The following SGCD variants were observed in gnomAD, a reference collection of about 807,000 sequenced individuals.
SGCD encodes delta-sarcoglycan.
In SGCD, 18 loss-of-function variants were observed where a neutral mutation model predicts 36.6. The observed-to-expected ratio is 0.49, with a 90% CI of 0.34 to 0.73. The LOEUF is 0.73. SGCD is among the 30% of genes least tolerant of loss of function. SGCD has a pLI of 0.01. For synonymous variants in SGCD, 133 were observed against 130.6 expected, an observed-to-expected ratio of 1.02 and a Z score of -0.12; for missense variants, 387 against 346.7, an observed-to-expected ratio of 1.12 and a Z score of -0.92.
At chr5:156,172,727 G>T (rs996983651) in intron 3 of SGCD, among the ~76,000 whole-genome samples, 1 of 150,836 alleles carries the variant, frequency 6.6e-6, no homozygotes, top group Admixed American at 6.6e-5. Flanking sequence ...AATCCTGCCA[G>T]CTCCTGATTT....
At chr5:156,224,145 T>C (rs372807800) in intron 3 of SGCD, among the ~76,000 whole-genome samples, 28 of 152,138 alleles carry the variant, frequency 1.8e-4, no homozygotes, top group Middle Eastern at 6.8e-3. Flanking sequence ...TTACAGTTTT[T>C]ACCCCTAATC....
At chr5:156,072,202 G>A (rs1760594857) in intron 1 of SGCD, among the ~76,000 whole-genome samples, 1 of 152,258 alleles carries the variant, frequency 6.6e-6, no homozygotes, top group South Asian at 2.1e-4. Context: ...TTGCTCCTTA[G>A]TTGATGCAGT....
intron 1 of SGCD, among the ~76,000 whole-genome samples, chr5:156,027,823 T>G (rs1302289017): frequency 6.6e-6 from 1 of 152,196 alleles, no homozygotes; most frequent in Admixed American, 6.5e-5. Flanking sequence ...TAATAGTATG[T>G]GATATAATGT....
In SGCD at chr5:156,587,254, G is replaced by T. The variant is rs866179275; in HGVS notation, c.295-1977G>T. Among the ~76,000 whole-genome samples the T allele has an allele frequency of 5.3e-5, 8 of 152,120 alleles. No individual in the cohort carries two copies. The South Asian group carries it at 1.5e-3, about 28-fold the overall frequency. ...AGTCTCCCCTCAGGATTCCAGCCACGCTAAGAGTTCAAAGCCCTTCCTGAA... is the reference window on the plus strand; with the variant it reads ...AGTCTCCCCTCAGGATTCCAGCCACTCTAAGAGTTCAAAGCCCTTCCTGAA... On this transcript the variant is annotated intron_variant, in intron 4 of 8. Transcript: ENST00000337851.
rs756317778 is a variant in SGCD at position 156,383,141 on chromosome 5, C to T, written c.192+38464C>T. 7.9e-5 allele frequency among the ~76,000 whole-genome samples: 12 copies of T among 152,082 alleles called. No homozygotes were observed. In the East Asian group the frequency reaches 1.7e-3, roughly 22 times the overall value. Reference sequence around the variant, plus strand: ...CCATAATACTGTAATGAAACCTGGGCCATGTGCTGTGTGGTACATTCTATG... The same window carrying T: ...CCATAATACTGTAATGAAACCTGGGTCATGTGCTGTGTGGTACATTCTATG... On this transcript the variant is annotated intron_variant, in intron 3 of 8. Coordinates refer to ENST00000337851, the MANE Select transcript of SGCD (RefSeq NM_000337.6).
At chr5:155,865,083 CATAGATAGATAG>C in the SGCD span, among the ~76,000 whole-genome samples, 34 of 144,150 alleles carry the variant, frequency 2.4e-4, no homozygotes, top group Admixed American at 7.8e-4. Flanking sequence ...TATACATAGC[CATAGATAGATAG>C]ATAGATAGAT....
intron 1 of SGCD, among the ~76,000 whole-genome samples, chr5:155,931,440 C>G (rs1757095154): frequency 6.6e-6 from 1 of 152,166 alleles, no homozygotes; most frequent in African/African-American, 2.4e-5. Context: ...TTCAGTTACA[C>G]ATACACCCAA....
intron 3 of SGCD, among the ~76,000 whole-genome samples, chr5:156,191,609 G>A (rs1763897268): frequency 6.6e-6 from 1 of 152,124 alleles, no homozygotes; most frequent in Admixed American, 6.6e-5. Context: ...CCTTAAGAGA[G>A]TACAAGGGAA....
At chr5:156,126,332 T>C (rs544922382) in intron 3 of SGCD, among the ~76,000 whole-genome samples, 2 of 152,318 alleles carry the variant, frequency 1.3e-5, no homozygotes, top group African/African-American at 4.8e-5. Context: ...AGAATGTCTG[T>C]TCTGTCAAGA....
chr5:156,552,315 T>G (rs1758832809), intron 4 of SGCD, among the ~76,000 whole-genome samples: 1 of 152,146 alleles, frequency 6.6e-6, no homozygotes, highest in African/African-American at 2.4e-5. Context: ...TGTAGTGCTG[T>G]GTTGAGAAGA....
intron 6 of SGCD, among the ~76,000 whole-genome samples, chr5:156,635,097 T>C (rs1762775266): frequency 6.6e-6 from 1 of 152,100 alleles, no homozygotes; most frequent in South Asian, 2.1e-4. Context: ...TGGTGACATG[T>C]CCCGGTAGTC....
intron 1 of SGCD, among the ~76,000 whole-genome samples, chr5:155,946,827 C>A (rs532449957): frequency 6.6e-6 from 1 of 152,232 alleles, no homozygotes; most frequent in South Asian, 2.1e-4. Context: ...CTCTGGGAAA[C>A]CGAATGTAGC....
intron 7 of SGCD, among the ~76,000 whole-genome samples, chr5:156,752,170 T>C (rs1218993003): frequency 6.6e-6 from 1 of 152,188 alleles, no homozygotes; most frequent in Non-Finnish European, 1.5e-5. Context: ...TAAAGAATTA[T>C]AAAGTGGAAT....
At chr5:156,700,968 G>A (rs1307364064) in intron 7 of SGCD, among the ~76,000 whole-genome samples, 1 of 150,102 alleles carries the variant, frequency 6.7e-6, no homozygotes, top group African/African-American at 2.4e-5. Context: ...AAGAGAGAGA[G>A]AGAAAGAAGA....
intron 6 of SGCD, among the ~76,000 whole-genome samples, chr5:156,621,765 G>C (rs1561820391): frequency 6.6e-6 from 1 of 152,230 alleles, no homozygotes; most frequent in African/African-American, 2.4e-5. Flanking sequence ...ACAGAGAGTA[G>C]AGATGGAGTA....
At chr5:156,109,758 T>G (rs1040089868) in intron 1 of SGCD, among the ~76,000 whole-genome samples, 5 of 152,164 alleles carry the variant, frequency 3.3e-5, no homozygotes, top group Non-Finnish European at 7.3e-5. Flanking sequence ...TGTTATCCAC[T>G]CATTTGTGAT....
chr5:156,079,876 G>A (rs1019264728), intron 1 of SGCD, among the ~76,000 whole-genome samples: 18 of 152,306 alleles, frequency 1.2e-4, no homozygotes, highest in African/African-American at 3.4e-4. Context: ...GAGGACCGTG[G>A]CCTCATTCCC....
At chr5:156,189,992 G>A (rs1257076378) in intron 3 of SGCD, among the ~76,000 whole-genome samples, 5 of 152,150 alleles carry the variant, frequency 3.3e-5, no homozygotes, top group Non-Finnish European at 7.3e-5. Context: ...AGCCAGATCT[G>A]CAATCTGGAT....
rs140444869 is a variant in SGCD at position 156,635,138 on chromosome 5, T to A, written c.503-12326T>A. Among the ~76,000 whole-genome samples the A allele has an allele frequency of 2.6e-5, 4 of 152,210 alleles. No individual in the cohort carries two copies. The East Asian group carries it at 7.7e-4, about 29-fold the overall frequency. On this transcript the variant is annotated intron_variant, in intron 6 of 8. Coordinates refer to ENST00000337851, the MANE Select transcript of SGCD (RefSeq NM_000337.6). ...ACTCAAGAGGCTGAGGTGGGAGGAT[T>A]GCTTGAGTTCCAGAATTTGAGGCTG...
Sources: gnomAD v4.1 joint callset for allele counts (sites outside exome capture counted in the v4.1 genomes callset) on GRCh38, gnomAD v4.1.1 for gene constraint, MANE v1.5 for transcripts, NCBI Gene and HGNC (gene_info 2026-07-23, HGNC 2026-07-21) for gene names.